UNC5D: variants seen among roughly 807,000 people sequenced by gnomAD.
UNC5D encodes netrin receptor UNC5D.
UNC5D carries 39 observed loss-of-function variants against 105.4 expected under a neutral mutation model. The observed-to-expected ratio is 0.37, with a 90% CI of 0.29 to 0.48. The LOEUF is 0.48. Ranked by LOEUF, UNC5D falls within the 20% of genes least tolerant of loss-of-function variation. UNC5D has a pLI of 0.98. For synonymous variants in UNC5D, 452 were observed against 450.4 expected, an observed-to-expected ratio of 1.00 and a Z score of -0.04; for missense variants, 991 against 1,202.4, an observed-to-expected ratio of 0.82 and a Z score of 2.60.
chr8:35,367,713 G>A (rs1379252300), intron 1 of UNC5D, among the ~76,000 whole-genome samples: 1 of 152,004 alleles, frequency 6.6e-6, no homozygotes, highest in African/African-American at 2.4e-5. Context: ...GCAGGCAAGA[G>A]GAGTGAATTT....
chr8:35,441,877 G>A (rs552083926), intron 1 of UNC5D, among the ~76,000 whole-genome samples: 44 of 151,778 alleles, frequency 2.9e-4, no homozygotes, highest in Non-Finnish European at 5.3e-4. Context: ...CCAACAAGAA[G>A]CAGAAATTCT....
intron 1 of UNC5D, among the ~76,000 whole-genome samples, chr8:35,262,056 G>A (rs1804535322): frequency 1.3e-5 from 2 of 152,184 alleles, no homozygotes; most frequent in South Asian, 4.1e-4. Flanking sequence ...CAGATTAAGA[G>A]GATGATTCTG....
intron 1 of UNC5D, among the ~76,000 whole-genome samples, chr8:35,239,921 T>C (rs4613991): frequency 0.5 from 75,809 of 151,500 alleles, 19,362 homozygotes; most frequent in East Asian, 0.69. Context: ...TTTTTCCTTT[T>C]TCTCTTTTCT....
chr8:35,735,496 T>C (rs996349818), intron 11 of UNC5D, among the ~76,000 whole-genome samples: 2 of 152,212 alleles, frequency 1.3e-5, no homozygotes, highest in Non-Finnish European at 2.9e-5. Flanking sequence ...CAACCACTTC[T>C]GTTAGATGGT....
chr8:35,503,943 T>C (rs1812137992), intron 1 of UNC5D, among the ~76,000 whole-genome samples: 1 of 152,188 alleles, frequency 6.6e-6, no homozygotes, highest in Admixed American at 6.5e-5. Flanking sequence ...CGACTTAAAC[T>C]TCCAGAAACA....
At chr8:35,481,192 C>T (rs1378533749) in intron 1 of UNC5D, among the ~76,000 whole-genome samples, 1 of 152,160 alleles carries the variant, frequency 6.6e-6, no homozygotes, top group African/African-American at 2.4e-5. Context: ...GGGGATTGAC[C>T]TTTAACATTG....
chr8:35,728,298 C>A (rs1829000854), intron 10 of UNC5D, among the ~76,000 whole-genome samples: 1 of 151,836 alleles, frequency 6.6e-6, no homozygotes, highest in Non-Finnish European at 1.5e-5. Context: ...GTGTGCACAT[C>A]TGTTTACACA....
At chr8:35,599,268 TAGAG>T (rs1394191094) in intron 4 of UNC5D, among the ~76,000 whole-genome samples, 3 of 151,892 alleles carry the variant, frequency 2.0e-5, no homozygotes, top group Non-Finnish European at 1.5e-5. Flanking sequence ...ATATTTTGGT[TAGAG>T]AGGACTATGT....
chr8:35,471,106 C>T (rs1021446336), intron 1 of UNC5D, among the ~76,000 whole-genome samples: 4 of 152,098 alleles, frequency 2.6e-5, no homozygotes, highest in African/African-American at 9.7e-5. Flanking sequence ...GCTGTCTGTT[C>T]AACCCCTCCC....
At chr8:35,744,857 AGCCTGACCAACATG>A (rs1200186072) in intron 11 of UNC5D, among the ~76,000 whole-genome samples, 1 of 152,182 alleles carries the variant, frequency 6.6e-6, no homozygotes, top group Non-Finnish European at 1.5e-5. Flanking sequence ...GTTCGAGACC[AGCCTGACCAACATG>A]GTGAAGCCCT....
At chr8:35,332,666 T>C (rs796788957) in intron 1 of UNC5D, among the ~76,000 whole-genome samples, 4 of 152,304 alleles carry the variant, frequency 2.6e-5, no homozygotes, top group African/African-American at 9.6e-5. Context: ...CAGTTACACT[T>C]ATGACAGAGC....
At chr8:35,393,291 G>A (rs1009009991) in intron 1 of UNC5D, among the ~76,000 whole-genome samples, 2 of 151,068 alleles carry the variant, frequency 1.3e-5, no homozygotes, top group Non-Finnish European at 3.0e-5. Flanking sequence ...CCGCCACCTC[G>A]CCCGGCTAAT....
intron 4 of UNC5D, among the ~76,000 whole-genome samples, chr8:35,604,246 C>A (rs556297727): frequency 1.7e-4 from 26 of 152,192 alleles, no homozygotes; most frequent in African/African-American, 6.0e-4. Flanking sequence ...CTGGTGGTGA[C>A]AAAATCTCTC....
chr8:35,339,892 G>A (rs1305177027), intron 1 of UNC5D, among the ~76,000 whole-genome samples: 1 of 152,158 alleles, frequency 6.6e-6, no homozygotes, highest in Non-Finnish European at 1.5e-5. Context: ...AAGTAACTGG[G>A]TGCCAGTGAG....
chr8:35,295,686 G>A (rs1807430672), intron 1 of UNC5D, among the ~76,000 whole-genome samples: 1 of 152,016 alleles, frequency 6.6e-6, no homozygotes, highest in African/African-American at 2.4e-5. Flanking sequence ...TGTAGGTGTG[G>A]TGAGAACACT....
intron 1 of UNC5D, among the ~76,000 whole-genome samples, chr8:35,384,188 C>T (rs1164135111): frequency 1.3e-5 from 2 of 148,568 alleles, no homozygotes; most frequent in African/African-American, 5.0e-5. Flanking sequence ...CACTACACTC[C>T]AGCCTGGGTG....
chr8:35,649,754 G>A (rs149245420), intron 4 of UNC5D, among the ~76,000 whole-genome samples: 1,538 of 152,176 alleles, frequency 0.01, 14 homozygotes, highest in Admixed American at 0.02. Flanking sequence ...AAAAACATCA[G>A]ACAAACTCAA....
chr8:35,649,516 G>T lies in UNC5D; in HGVS notation c.571-34031G>T, dbSNP rs4449789. 9.6e-3 allele frequency among the ~76,000 whole-genome samples: 1,458 copies of T among 152,254 alleles called. 26 individuals carry two copies. The highest frequency in any genetic ancestry group is 0.034 in the African/African-American group (1,392 of 41,550). On this transcript the variant is annotated intron_variant, in intron 4 of 16. Transcript: ENST00000404895. Reference sequence around the variant, plus strand: ...AAGTCTGGACTCTAACGATTAATTTGAATGATTGCCTGTGATTGGCCTGAA... The same window carrying T: ...AAGTCTGGACTCTAACGATTAATTTTAATGATTGCCTGTGATTGGCCTGAA...
At chr8:35,687,302 C>T (rs575063437) in intron 7 of UNC5D, among the ~76,000 whole-genome samples, 22 of 151,908 alleles carry the variant, frequency 1.4e-4, no homozygotes, top group Non-Finnish European at 2.8e-4. Flanking sequence ...ATTAGCCAGG[C>T]GTGGTGGTGG....
Sources: allele counts gnomAD v4.1 joint callset (sites outside exome capture counted in the v4.1 genomes callset), GRCh38; gene constraint gnomAD v4.1.1; transcripts MANE v1.5; gene names NCBI Gene and HGNC (gene_info 2026-07-23, HGNC 2026-07-21).